Variants in RALGPS1 observed in about 807,000 individuals in gnomAD.
RALGPS1 encodes the protein ras-specific guanine nucleotide-releasing factor RalGPS1.
RALGPS1 carries 19 observed loss-of-function variants against 78.8 expected under a neutral mutation model. The observed-to-expected ratio is 0.24, with a 90% CI of 0.17 to 0.35. The LOEUF is 0.35. Among genes scored for constraint, RALGPS1 ranks in the 10% least tolerant of loss-of-function variants. RALGPS1 has a pLI of 1.00. For missense variants in RALGPS1, 454 were observed against 688.3 expected, an observed-to-expected ratio of 0.66 and a Z score of 3.81; for synonymous variants, 228 against 256.3, an observed-to-expected ratio of 0.89 and a Z score of 1.06.
intron 7 of RALGPS1, among the ~76,000 whole-genome samples, chr9:127,055,833 G>A (rs1224923495): frequency 1.3e-5 from 2 of 152,110 alleles, no homozygotes; most frequent in South Asian, 4.1e-4. Context: ...ATTGCATTAG[G>A]AACTTGAAAA....
intron 10 of RALGPS1, among the ~76,000 whole-genome samples, chr9:127,173,390 G>T (rs552544325): frequency 6.6e-6 from 1 of 152,324 alleles, no homozygotes; most frequent in East Asian, 1.9e-4. Flanking sequence ...CAGGAGCCAT[G>T]CCATGATGCA....
intron 1 of RALGPS1, among the ~76,000 whole-genome samples, chr9:126,919,197 G>A (rs532669954): frequency 6.6e-5 from 10 of 152,316 alleles, no homozygotes; most frequent in Admixed American, 2.0e-4. Flanking sequence ...TGGAAAATGT[G>A]TCAGTTAGTA....
chr9:127,167,522 G>A (rs1443793032), intron 9 of RALGPS1, among the ~76,000 whole-genome samples: 8 of 152,160 alleles, frequency 5.3e-5, no homozygotes, highest in African/African-American at 1.7e-4. Context: ...TGAAAATGGG[G>A]ATAGGATTCA....
chr9:126,985,728 C>T (rs1171067992), intron 4 of RALGPS1, among the ~76,000 whole-genome samples: 2 of 152,180 alleles, frequency 1.3e-5, no homozygotes, highest in Admixed American at 6.5e-5. Flanking sequence ...GTGGGCCTCT[C>T]CCCTGGACTT....
chr9:127,102,661 T>G (rs1380198231), intron 8 of RALGPS1, among the ~76,000 whole-genome samples: 1 of 152,136 alleles, frequency 6.6e-6, no homozygotes, highest in Non-Finnish European at 1.5e-5. Context: ...AAAAGGCTCT[T>G]TGTGATCAGT....
intron 11 of RALGPS1, among the ~76,000 whole-genome samples, chr9:127,190,088 A>G (rs1440308951): frequency 6.6e-6 from 1 of 152,170 alleles, no homozygotes; most frequent in Non-Finnish European, 1.5e-5. Flanking sequence ...AATACTACAC[A>G]CAGAGGGAAG....
intron 7 of RALGPS1, among the ~76,000 whole-genome samples, chr9:127,053,895 A>T (rs901492281): frequency 6.6e-6 from 1 of 152,226 alleles, no homozygotes. Context: ...CTGGGTTTGC[A>T]TTCAGGTGCC....
chr9:126,921,117 A>G (rs183591526), intron 1 of RALGPS1, among the ~76,000 whole-genome samples: 84 of 152,320 alleles, frequency 5.5e-4, no homozygotes, highest in African/African-American at 2.0e-3. Flanking sequence ...ATTATACGTG[A>G]TGCTGTGGGA....
chr9:127,084,193 C>G (rs1028691080), intron 8 of RALGPS1, among the ~76,000 whole-genome samples: 3 of 152,128 alleles, frequency 2.0e-5, no homozygotes, highest in African/African-American at 4.8e-5. Flanking sequence ...TCCCAAAGTT[C>G]TGGGAGGCGT....
rs62578762 is a variant in RALGPS1 at position 127,104,244 on chromosome 9, G to A, written c.610+34888G>A. On this transcript the variant is annotated intron_variant, in intron 8 of 18. Transcript: ENST00000259351. The stretch of plus-strand genomic sequence containing the variant: ...TAAAGATTAGTTTCTGACAAAGCCC[G>A]TCTGTGGCAGCTGCTGTTGGCGCTG... Among the ~76,000 whole-genome samples, 899 of 152,304 alleles carry A rather than the reference G, an allele frequency of 5.9e-3. 5 individuals carry two copies. Among genetic ancestry groups the A allele is most frequent in the South Asian group, 1.0e-2 (48 of 4,822 alleles).
intron 1 of RALGPS1, among the ~76,000 whole-genome samples, chr9:126,929,943 T>G (rs2131089819): frequency 6.6e-6 from 1 of 152,202 alleles, no homozygotes; most frequent in East Asian, 1.9e-4. Context: ...TTGGTTCAAG[T>G]GATCCTTCCA....
intron 4 of RALGPS1, among the ~76,000 whole-genome samples, chr9:127,031,007 C>T (rs569723283): frequency 1.9e-4 from 29 of 152,244 alleles, no homozygotes; most frequent in South Asian, 6.2e-4. Context: ...AGCTCAGCCA[C>T]GTAGTCAGGG....
chr9:127,028,893 T>C (rs942974840), intron 4 of RALGPS1, among the ~76,000 whole-genome samples: 1 of 152,138 alleles, frequency 6.6e-6, no homozygotes, highest in South Asian at 2.1e-4. Context: ...AGTCCCTAAC[T>C]ACTACATGCT....
chr9:126,962,513 C>T (rs1016420815), intron 2 of RALGPS1, among the ~76,000 whole-genome samples, 167 bp downstream of exon 2: 4 of 152,224 alleles, frequency 2.6e-5, no homozygotes, highest in Non-Finnish European at 5.9e-5. Context: ...GGGAGGCAGT[C>T]AGCCCTGAGG....
intron 1 of RALGPS1, among the ~76,000 whole-genome samples, chr9:126,934,961 G>A (rs1170507253): frequency 6.6e-6 from 1 of 152,196 alleles, no homozygotes; most frequent in Non-Finnish European, 1.5e-5. Flanking sequence ...GTGAAGGAAT[G>A]TGAAGACAAA....
At chr9:127,089,348 G>C (rs1484258611) in intron 8 of RALGPS1, among the ~76,000 whole-genome samples, 15 of 152,194 alleles carry the variant, frequency 9.9e-5, no homozygotes, top group Non-Finnish European at 4.4e-5. Context: ...TGTGATCTCA[G>C]ACAAGTGACT....
chr9:127,102,113 T>A (rs1397141037), intron 8 of RALGPS1, among the ~76,000 whole-genome samples: 2 of 152,208 alleles, frequency 1.3e-5, no homozygotes. Context: ...AGGTCTCTGC[T>A]GCCTGCATCC....
chr9:127,094,846 G>C (rs1419502871), intron 8 of RALGPS1, among the ~76,000 whole-genome samples: 1 of 152,234 alleles, frequency 6.6e-6, no homozygotes, highest in Admixed American at 6.5e-5. Flanking sequence ...GGGCAGCCCA[G>C]TCAGAAGGAA....
At chr9:127,080,638 A>G (rs1302634266) in intron 8 of RALGPS1, among the ~76,000 whole-genome samples, 2 of 152,210 alleles carry the variant, frequency 1.3e-5, no homozygotes, top group African/African-American at 4.8e-5. Context: ...TTTGACACCC[A>G]CAGATGTATG....
Sources: allele counts gnomAD v4.1 joint callset (sites outside exome capture counted in the v4.1 genomes callset), GRCh38; gene constraint gnomAD v4.1.1; transcripts MANE v1.5; gene names NCBI Gene and HGNC (gene_info 2026-07-23, HGNC 2026-07-21).